The following TBXAS1 variants were observed in gnomAD, a reference collection of about 807,000 sequenced individuals.
TBXAS1 encodes the protein thromboxane A synthase 1, also known as thromboxane-A synthase.
TBXAS1 carries 48 observed loss-of-function variants against 60.7 expected under a neutral mutation model. That is an observed-to-expected ratio of 0.79 (90% confidence interval 0.63 to 1.01). TBXAS1 has a LOEUF of 1.01. Ranked by LOEUF, TBXAS1 falls within the 50% of genes least tolerant of loss-of-function variation. TBXAS1 has a pLI of 0.00. For missense variants in TBXAS1, 685 were observed against 686.3 expected (o/e 1.00, Z 0.02); for synonymous variants, 287 against 269.7 (o/e 1.06, Z -0.63).
chr7:139,923,053 G>A (rs187943759), intron 4 of TBXAS1, among the ~76,000 whole-genome samples: 45 of 152,286 alleles, frequency 3.0e-4, no homozygotes, highest in African/African-American at 9.4e-4. Context: ...GGCCAGGCAC[G>A]GTGGCTAACG....
At chr7:139,813,565 CAT>C (rs1307960717) in intron 4 of TBXAS1, among the ~76,000 whole-genome samples, 4 of 152,292 alleles carry the variant, frequency 2.6e-5, no homozygotes, top group Non-Finnish European at 4.4e-5. Flanking sequence ...TAACATCCAT[CAT>C]AGAGTTATAG....
intron 3 of TBXAS1, chr7:139,906,143 C>A (rs1003025569): frequency 2.7e-6 from 1 of 372,248 alleles, no homozygotes; most frequent in Admixed American, 3.7e-5. Flanking sequence ...GCAACCTCCA[C>A]CTTCCAGGTT....
intron 4 of TBXAS1, among the ~76,000 whole-genome samples, chr7:139,819,013 C>G (rs1798225400): frequency 6.6e-6 from 1 of 152,226 alleles, no homozygotes; most frequent in Non-Finnish European, 1.5e-5. Flanking sequence ...GCAATTGCCA[C>G]CCTCCAGCCT....
intron 1 of TBXAS1, among the ~76,000 whole-genome samples, chr7:139,844,173 G>T (rs192250679): frequency 6.6e-6 from 1 of 152,158 alleles, no homozygotes; most frequent in Non-Finnish European, 1.5e-5. Flanking sequence ...GGTATATAGA[G>T]CACTCAAAGT....
intron 4 of TBXAS1, among the ~76,000 whole-genome samples, chr7:139,809,943 A>T (rs1797985164): frequency 6.6e-6 from 1 of 152,162 alleles, no homozygotes; most frequent in Non-Finnish European, 1.5e-5. Context: ...ACCTAAAATT[A>T]ACCATCATAG....
intron 1 of TBXAS1, among the ~76,000 whole-genome samples, chr7:139,862,100 A>G (rs975369349): frequency 6.6e-6 from 1 of 152,242 alleles, no homozygotes; most frequent in Non-Finnish European, 1.5e-5. Flanking sequence ...GGGTAAATTA[A>G]AATCAGATTT....
intron 9 of TBXAS1, among the ~76,000 whole-genome samples, chr7:139,973,238 GACA>G (rs1232086629): frequency 3.3e-5 from 5 of 152,170 alleles, no homozygotes; most frequent in African/African-American, 1.2e-4. Flanking sequence ...GAATCCTGCT[GACA>G]ACAAGAAACT....
intron 3 of TBXAS1, among the ~76,000 whole-genome samples, chr7:139,893,473 G>T (rs987717785): frequency 1.3e-5 from 2 of 152,096 alleles, no homozygotes; most frequent in Non-Finnish European, 1.5e-5. Flanking sequence ...TCCCTGCAGG[G>T]CCATCGAACT....
intron 3 of TBXAS1, among the ~76,000 whole-genome samples, chr7:139,895,762 G>T (rs1349306274): frequency 6.6e-6 from 1 of 152,220 alleles, no homozygotes; most frequent in Non-Finnish European, 1.5e-5. Context: ...TGAGGGTTCT[G>T]TATGCTGAGC....
chr7:139,900,761 CA>C (rs1804502805), intron 3 of TBXAS1, among the ~76,000 whole-genome samples: 1 of 152,196 alleles, frequency 6.6e-6, no homozygotes, highest in Non-Finnish European at 1.5e-5. Flanking sequence ...CCATGTGGTA[CA>C]AAAATGGCTG....
chr7:140,003,553 A>C (rs867769863), intron 9 of TBXAS1, among the ~76,000 whole-genome samples: 4 of 152,206 alleles, frequency 2.6e-5, no homozygotes, highest in Non-Finnish European at 5.9e-5. Context: ...TAAAAAGAGA[A>C]AAGCCTATCT....
chr7:139,888,418 C>G (rs913335042), intron 3 of TBXAS1, among the ~76,000 whole-genome samples: 1 of 152,116 alleles, frequency 6.6e-6, no homozygotes, highest in African/African-American at 2.4e-5. Flanking sequence ...TGGAACTGAC[C>G]CTTCGATCTC....
chr7:139,997,850 AT>A (rs1813398862), intron 9 of TBXAS1, among the ~76,000 whole-genome samples: 2 of 152,236 alleles, frequency 1.3e-5, no homozygotes, highest in Non-Finnish European at 2.9e-5. Context: ...CACATCCCTC[AT>A]GACCCGGCAG....
upstream of TBXAS1, among the ~76,000 whole-genome samples, chr7:139,828,844 TC>T (rs1798526818): frequency 6.6e-6 from 1 of 152,220 alleles, no homozygotes; most frequent in African/African-American, 2.4e-5. Flanking sequence ...ATGGTTGTCC[TC>T]AAAGCAGCCA....
At chr7:139,835,426 T>A (rs1452294603) in intron 1 of TBXAS1, among the ~76,000 whole-genome samples, 1 of 152,166 alleles carries the variant, frequency 6.6e-6, no homozygotes, top group Non-Finnish European at 1.5e-5. Flanking sequence ...ATCAAAAAGA[T>A]AATCCACCAT....
intron 3 of TBXAS1, among the ~76,000 whole-genome samples, chr7:139,909,434 T>C (rs1334514205): frequency 6.6e-6 from 1 of 152,240 alleles, no homozygotes; most frequent in African/African-American, 2.4e-5. Context: ...GTTTATGGCC[T>C]TATTGAGTTG....
At chr7:139,844,869 G>T (rs2116602672) in intron 1 of TBXAS1, among the ~76,000 whole-genome samples, 1 of 152,302 alleles carries the variant, frequency 6.6e-6, no homozygotes, top group Admixed American at 6.5e-5. Context: ...TGTAGGGACA[G>T]ACACACCTCT....
chr7:139,920,996 A>C (rs2117101975), intron 4 of TBXAS1, among the ~76,000 whole-genome samples: 1 of 152,328 alleles, frequency 6.6e-6, no homozygotes, highest in East Asian at 1.9e-4. Context: ...CCTAAATATG[A>C]AACCTTGTAG....
chr7:139,929,300 C>A (rs137973133), intron 4 of TBXAS1, among the ~76,000 whole-genome samples: 3 of 152,228 alleles, frequency 2.0e-5, no homozygotes, highest in Non-Finnish European at 4.4e-5. Flanking sequence ...TTATCCCTGA[C>A]GCACGTGGCC....
Sources: allele counts gnomAD v4.1 joint callset (sites outside exome capture counted in the v4.1 genomes callset), GRCh38; gene constraint gnomAD v4.1.1; transcripts MANE v1.5; gene names NCBI Gene and HGNC (gene_info 2026-07-23, HGNC 2026-07-21).